SNAP25: variants seen among roughly 807,000 people sequenced by gnomAD.
SNAP25 encodes synaptosomal-associated protein 25.
Under a neutral mutation model 28.7 loss-of-function variants are expected in SNAP25, and 3 were observed. The observed-to-expected ratio is 0.10, with a 90% CI of 0.05 to 0.27. The LOEUF is 0.27. Ranked by LOEUF, SNAP25 falls within the 10% of genes least tolerant of loss-of-function variation. SNAP25 has a pLI of 1.00. For synonymous variants in SNAP25, 61 were observed against 88.1 expected, an observed-to-expected ratio of 0.69 and a Z score of 1.72; for missense variants, 117 against 278.7, an observed-to-expected ratio of 0.42 and a Z score of 4.13.
chr20:10,244,080 A>T (rs552251305), intron 1 of SNAP25, among the ~76,000 whole-genome samples: 1 of 152,338 alleles, frequency 6.6e-6, no homozygotes, highest in Admixed American at 6.5e-5. Context: ...TCCTCTGAGA[A>T]ATGGGTATTG....
At chr20:10,284,629 C>T in intron 3 of SNAP25, 95 bp from the exon 4 acceptor site, 1 of 954,488 alleles carries the variant, frequency 1.0e-6, no homozygotes. Flanking sequence ...TCTTCATTTT[C>T]CATTTATAGG....
chr20:10,240,586 C>A (rs2063009418), intron 1 of SNAP25, among the ~76,000 whole-genome samples: 1 of 152,180 alleles, frequency 6.6e-6, no homozygotes. Context: ...CTTCCTTCTG[C>A]CATTCTCCAT....
chr20:10,238,200 T>G (rs962230817), intron 1 of SNAP25, among the ~76,000 whole-genome samples: 1 of 152,182 alleles, frequency 6.6e-6, no homozygotes, highest in Non-Finnish European at 1.5e-5. Flanking sequence ...CTTTGGTGGA[T>G]TCTACTGATT....
chr20:10,299,532 C>A, intron 7 of SNAP25, 120 bp downstream of exon 7: 2 of 988,728 alleles, frequency 2.0e-6, no homozygotes, highest in Admixed American at 3.1e-5. Context: ...GCACTGATAG[C>A]TGGAAATGTT....
chr20:10,250,776 A>G (rs549718197), intron 1 of SNAP25, among the ~76,000 whole-genome samples: 11 of 152,332 alleles, frequency 7.2e-5, no homozygotes, highest in East Asian at 1.9e-4. Flanking sequence ...GTGGTCCCAT[A>G]AGATAAGAAT....
At chr20:10,229,639 A>G (rs1278821263) in intron 1 of SNAP25, among the ~76,000 whole-genome samples, 3 of 152,122 alleles carry the variant, frequency 2.0e-5, no homozygotes, top group African/African-American at 7.2e-5. Flanking sequence ...TGAAAGTCAC[A>G]CTATTTTTTG....
intron 1 of SNAP25, among the ~76,000 whole-genome samples, chr20:10,266,694 A>G (rs998214999): frequency 5.3e-5 from 8 of 152,244 alleles, no homozygotes; most frequent in African/African-American, 1.7e-4. Context: ...CAATATTGAT[A>G]AAAGCAATAA....
intron 7 of SNAP25, among the ~76,000 whole-genome samples, chr20:10,299,656 G>T (rs1008296574): frequency 1.3e-5 from 2 of 152,218 alleles, no homozygotes; most frequent in African/African-American, 4.8e-5. Flanking sequence ...CAGGCATTGT[G>T]CTAGGCACTG....
chr20:10,269,921 G>A (rs959354393), intron 1 of SNAP25, among the ~76,000 whole-genome samples: 4 of 152,186 alleles, frequency 2.6e-5, no homozygotes, highest in Non-Finnish European at 4.4e-5. Context: ...GAAAGCCCCT[G>A]GTTAATGTAG....
chr20:10,246,561 C>T (rs1278871223), intron 1 of SNAP25, among the ~76,000 whole-genome samples: 3 of 152,116 alleles, frequency 2.0e-5, no homozygotes, highest in Non-Finnish European at 4.4e-5. Context: ...CATCAGTACC[C>T]CAGCCCTCAG....
intron 7 of SNAP25, among the ~76,000 whole-genome samples, chr20:10,300,061 T>A (rs1165058974): frequency 6.6e-6 from 1 of 152,042 alleles, no homozygotes; most frequent in East Asian, 1.9e-4. Flanking sequence ...ACAGTTCACA[T>A]CCCCAGTTCT....
intron 1 of SNAP25, among the ~76,000 whole-genome samples, chr20:10,237,518 A>G (rs2062945097): frequency 6.6e-6 from 1 of 152,146 alleles, no homozygotes; most frequent in Non-Finnish European, 1.5e-5. Flanking sequence ...AACTGTTATC[A>G]CCAGACACCC....
At chr20:10,284,796 G>T in intron 4 of SNAP25, 24 bp downstream of exon 4, 1 of 1,582,950 alleles carries the variant, frequency 6.3e-7, no homozygotes, top group South Asian at 1.1e-5. Context: ...TCTTCAGTAA[G>T]AACAATTCCT....
At chr20:10,242,758 A>G (rs1465422546) in intron 1 of SNAP25, among the ~76,000 whole-genome samples, 1 of 152,208 alleles carries the variant, frequency 6.6e-6, no homozygotes, top group Non-Finnish European at 1.5e-5. Context: ...GGATCAATTT[A>G]TGGGCATTCC....
chr20:10,271,000 A>G (rs948298457), intron 1 of SNAP25, among the ~76,000 whole-genome samples: 1 of 152,178 alleles, frequency 6.6e-6, no homozygotes, highest in Non-Finnish European at 1.5e-5. Context: ...AATTAATTAG[A>G]TACTGTTAGG....
At chr20:10,259,167 G>T (rs902052432) in intron 1 of SNAP25, among the ~76,000 whole-genome samples, 2 of 152,108 alleles carry the variant, frequency 1.3e-5, no homozygotes, top group African/African-American at 4.8e-5. Context: ...ATTCAGCAGA[G>T]GTGATAATAA....
intron 1 of SNAP25, among the ~76,000 whole-genome samples, chr20:10,248,614 T>C (rs2063170983): frequency 6.6e-6 from 1 of 152,200 alleles, no homozygotes; most frequent in African/African-American, 2.4e-5. Flanking sequence ...CGATCATTTT[T>C]GAGATGAGGA....
At chr20:10,268,969 T>C (rs1192020718) in intron 1 of SNAP25, among the ~76,000 whole-genome samples, 1 of 149,136 alleles carries the variant, frequency 6.7e-6, no homozygotes, top group Non-Finnish European at 1.5e-5. Flanking sequence ...AGTTAGAAAT[T>C]GTTTTGAGGG....
At chr20:10,295,677 C>A (rs1288415190) in intron 5 of SNAP25, among the ~76,000 whole-genome samples, 1 of 121,900 alleles carries the variant, frequency 8.2e-6, no homozygotes, top group Non-Finnish European at 1.8e-5. Context: ...ATGTTAAATT[C>A]TGGTGTCTTA....
Sources: gnomAD v4.1 joint callset for allele counts (sites outside exome capture counted in the v4.1 genomes callset) on GRCh38, gnomAD v4.1.1 for gene constraint, MANE v1.5 for transcripts, NCBI Gene and HGNC (gene_info 2026-07-23, HGNC 2026-07-21) for gene names.